PSD3: variants seen among roughly 807,000 people sequenced by gnomAD.
PSD3 encodes the protein PH and SEC7 domain-containing protein 3.
Under a neutral mutation model 105.5 loss-of-function variants are expected in PSD3, and 49 were observed. The ratio of observed to expected loss-of-function variants is 0.46; its 90% CI spans 0.37 to 0.59. The LOEUF (loss-of-function observed/expected upper bound fraction) is 0.59, where lower values mean the gene tolerates loss of function less well. PSD3 is among the 20% of genes least tolerant of loss of function. The probability of loss-of-function intolerance (pLI) is 0.00; values close to 1 mark genes in which losing one functional copy is unlikely to be tolerated. For missense variants in PSD3, 1,561 were observed against 1,263.8 expected (o/e 1.24, Z -3.57); for synonymous variants, 557 against 457.8 (o/e 1.22, Z -2.77).
At chr8:18,959,902 T>G (rs1230546337) in intron 1 of PSD3, among the ~76,000 whole-genome samples, 1 of 152,214 alleles carries the variant, frequency 6.6e-6, no homozygotes, top group Non-Finnish European at 1.5e-5. Flanking sequence ...CCACTCTTTT[T>G]CCCATTGTGG....
intron 1 of PSD3, among the ~76,000 whole-genome samples, chr8:19,039,572 C>A (rs937297011): frequency 2.0e-5 from 3 of 152,140 alleles, no homozygotes; most frequent in African/African-American, 7.2e-5. Flanking sequence ...TCATCAAACC[C>A]TTTCTCTAGG....
intron 4 of PSD3, among the ~76,000 whole-genome samples, chr8:18,826,795 A>G (rs977571191): frequency 6.6e-6 from 1 of 152,218 alleles, no homozygotes; most frequent in Non-Finnish European, 1.5e-5. Flanking sequence ...ACTGAGATGA[A>G]TATTTCTAAA....
chr8:18,537,825 C>A (rs1376025240), intron 15 of PSD3, among the ~76,000 whole-genome samples: 1 of 152,120 alleles, frequency 6.6e-6, no homozygotes, highest in African/African-American at 2.4e-5. Flanking sequence ...TACAGGCGCA[C>A]ACCACCACAC....
At chr8:18,630,068 G>C (rs1257068178) in intron 11 of PSD3, among the ~76,000 whole-genome samples, 1 of 151,804 alleles carries the variant, frequency 6.6e-6, no homozygotes, top group African/African-American at 2.4e-5. Flanking sequence ...CAGGAAAGAA[G>C]CCTGGAGATG....
chr8:18,579,878 A>C (rs1191728089), intron 12 of PSD3, among the ~76,000 whole-genome samples: 1 of 152,178 alleles, frequency 6.6e-6, no homozygotes, highest in Non-Finnish European at 1.5e-5. Context: ...ATGTACTTAA[A>C]ACAATTTTAA....
At chr8:18,681,446 CAAAAAAAA>C (rs528679351) in intron 9 of PSD3, among the ~76,000 whole-genome samples, 95 of 62,282 alleles carry the variant, frequency 1.5e-3, no homozygotes, top group African/African-American at 3.4e-3. Flanking sequence ...GTTTCTGTTT[CAAAAAAAA>C]AAAAAAAAAA....
chr8:18,821,714 CACA>C (rs1812731317), intron 4 of PSD3, among the ~76,000 whole-genome samples: 18 of 142,546 alleles, frequency 1.3e-4, no homozygotes, highest in African/African-American at 3.9e-4. Flanking sequence ...CACACACACA[CACA>C]CCCCAATAAC....
intron 14 of PSD3, among the ~76,000 whole-genome samples, chr8:18,567,625 G>T (rs757727508): frequency 6.6e-6 from 1 of 152,098 alleles, no homozygotes; most frequent in Non-Finnish European, 1.5e-5. Flanking sequence ...AAAAACAGAA[G>T]AATCTTTCCT....
intron 4 of PSD3, among the ~76,000 whole-genome samples, chr8:18,857,583 C>G (rs1342177900): frequency 1.3e-5 from 2 of 152,170 alleles, no homozygotes; most frequent in African/African-American, 4.8e-5. Flanking sequence ...TTCTAATGAG[C>G]AATCAAGTTT....
chr8:18,799,564 C>T (rs1382772442), intron 7 of PSD3, among the ~76,000 whole-genome samples: 1 of 152,162 alleles, frequency 6.6e-6, no homozygotes, highest in East Asian at 1.9e-4. Context: ...ATAAGTTGTT[C>T]TTACCTCTCT....
chr8:18,652,548 G>T (rs75480137), intron 10 of PSD3, among the ~76,000 whole-genome samples: 5,124 of 143,306 alleles, frequency 0.036, 75 homozygotes, highest in East Asian at 0.064. Context: ...CCCAGGCTGG[G>T]GTATAGTGGC....
chr8:19,033,724 TCCCA>T (rs1321391132), intron 1 of PSD3, among the ~76,000 whole-genome samples: 1 of 152,028 alleles, frequency 6.6e-6, no homozygotes, highest in Non-Finnish European at 1.5e-5. Flanking sequence ...ATAGCAGCAC[TCCCA>T]GGAATTGAAG....
intron 1 of PSD3, among the ~76,000 whole-genome samples, chr8:18,953,040 C>CTTT (rs1823344629): frequency 6.6e-6 from 1 of 152,098 alleles, no homozygotes; most frequent in Admixed American, 6.6e-5. Context: ...AATAACCCAG[C>CTTT]AGAAAAACAG....
intron 4 of PSD3, 43 bp downstream of exon 4, chr8:18,867,631 A>G: frequency 6.5e-7 from 1 of 1,539,118 alleles, no homozygotes; most frequent in South Asian, 1.3e-5. Flanking sequence ...AAGAAATCCT[A>G]CAAAAACCAC....
At chr8:18,911,765 T>C (rs1031290049) in intron 2 of PSD3, among the ~76,000 whole-genome samples, 2 of 151,966 alleles carry the variant, frequency 1.3e-5, no homozygotes, top group African/African-American at 4.8e-5. Flanking sequence ...AATGTACACA[T>C]ACACCTACAG....
At chr8:18,677,793 G>C (rs1185491519) in intron 9 of PSD3, among the ~76,000 whole-genome samples, 1 of 152,048 alleles carries the variant, frequency 6.6e-6, no homozygotes. Context: ...GCCAGATCAC[G>C]AGGTCAGGAG....
At chr8:18,766,107 G>A (rs1042038525) in intron 8 of PSD3, among the ~76,000 whole-genome samples, 2 of 152,190 alleles carry the variant, frequency 1.3e-5, no homozygotes, top group Non-Finnish European at 2.9e-5. Context: ...GCTGAGGTGC[G>A]TGGATTACTT....
intron 4 of PSD3, 34 bp from the exon 5 acceptor site, chr8:18,804,932 T>C (rs1366355143): frequency 4.0e-6 from 6 of 1,508,462 alleles, no homozygotes; most frequent in East Asian, 4.5e-5. Context: ...AAATAATAGA[T>C]TTTTCTTATA....
intron 4 of PSD3, among the ~76,000 whole-genome samples, chr8:18,813,351 C>G (rs993902041): frequency 6.6e-6 from 1 of 152,162 alleles, no homozygotes; most frequent in Admixed American, 6.5e-5. Flanking sequence ...AAGGTACACA[C>G]AGGTTAACCA....
Sources: allele counts gnomAD v4.1 joint callset (sites outside exome capture counted in the v4.1 genomes callset), GRCh38; gene constraint gnomAD v4.1.1; transcripts MANE v1.5; gene names NCBI Gene and HGNC (gene_info 2026-07-23, HGNC 2026-07-21).